Variants in CCDC148 observed in about 807,000 individuals in gnomAD.
The protein encoded by CCDC148 is coiled-coil domain-containing protein 148.
CCDC148 carries 89 observed loss-of-function variants against 85.7 expected under a neutral mutation model. The observed-to-expected ratio is 1.04, with a 90% CI of 0.87 to 1.24. The LOEUF (loss-of-function observed/expected upper bound fraction) is 1.24. CCDC148 is among the 50% of genes most tolerant of loss of function. The pLI is 0.00. For synonymous variants in CCDC148, 230 were observed against 213.9 expected (o/e 1.08, Z -0.66); for missense variants, 692 against 671.7 (o/e 1.03, Z -0.33).
intron 9 of CCDC148, among the ~76,000 whole-genome samples, chr2:158,301,336 G>T (rs1006661603): frequency 2.6e-5 from 4 of 152,186 alleles, no homozygotes; most frequent in African/African-American, 9.7e-5. Context: ...TAGCTATGAA[G>T]GTAAGAGAAA....
At chr2:158,317,240 C>G (rs549844542) in intron 7 of CCDC148, among the ~76,000 whole-genome samples, 1 of 152,294 alleles carries the variant, frequency 6.6e-6, no homozygotes, top group South Asian at 2.1e-4. Flanking sequence ...TTTAGCAGTT[C>G]TCTGCAATTT....
rs753445636 is a variant in CCDC148, at chr2:158,212,238, C to A, written c.1370+8357G>T. On this transcript the variant is annotated intron_variant, in intron 11 of 13. Coordinates refer to ENST00000283233, the MANE Select transcript of CCDC148 (RefSeq NM_138803.4). Reference sequence around the variant, plus strand: ...ATTTGGTTGACAGAGACTTAATGAACAAGAGCATCCCCATTAATTTTGAGA... The same window carrying A: ...ATTTGGTTGACAGAGACTTAATGAAAAAGAGCATCCCCATTAATTTTGAGA... Among the ~76,000 whole-genome samples the A allele has an allele frequency of 3.1e-4, 47 of 152,178 alleles. 1 individual carries two copies. Among genetic ancestry groups the A allele is most frequent in the Non-Finnish European group, 1.3e-4 (9 of 68,036 alleles).
intron 9 of CCDC148, among the ~76,000 whole-genome samples, chr2:158,271,480 T>A (rs988834317): frequency 6.6e-6 from 1 of 152,218 alleles, no homozygotes; most frequent in Non-Finnish European, 1.5e-5. Context: ...GTTTAGCACA[T>A]CCATGCTGTA....
chr2:158,179,181 T>TTTTTTTTA (rs1684751580), intron 11 of CCDC148, among the ~76,000 whole-genome samples, 185 bp from the exon 12 acceptor site: 1 of 138,996 alleles, frequency 7.2e-6, no homozygotes, highest in Admixed American at 7.4e-5. Flanking sequence ...TTTTTTTTTT[T>TTTTTTTTA]TTTTTTTTGA....
At chr2:158,252,793 T>C (rs996908877) in intron 9 of CCDC148, among the ~76,000 whole-genome samples, 2 of 151,836 alleles carry the variant, frequency 1.3e-5, no homozygotes, top group African/African-American at 4.8e-5. Context: ...CATTCTATGT[T>C]TCTGACCACA....
intron 1 of CCDC148, among the ~76,000 whole-genome samples, chr2:158,415,488 T>C (rs543615180): frequency 2.0e-5 from 3 of 152,312 alleles, no homozygotes; most frequent in East Asian, 1.9e-4. Flanking sequence ...CCAAATCTCA[T>C]GTCCTTCTCA....
intron 1 of CCDC148, chr2:158,420,204 C>A (rs1252726337): frequency 6.6e-6 from 1 of 152,168 alleles, no homozygotes; most frequent in Non-Finnish European, 1.5e-5. Flanking sequence ...ACCTCCCCAA[C>A]CTAGCAAGGC....
At chr2:158,367,348 T>G (rs1233016867) in intron 1 of CCDC148, among the ~76,000 whole-genome samples, 1 of 152,214 alleles carries the variant, frequency 6.6e-6, no homozygotes, top group Non-Finnish European at 1.5e-5. Context: ...AGCTTAGCTG[T>G]CCAAGTTTGC....
At chr2:158,216,386 C>CTTTTTTTTTTTT (rs397697591) in intron 11 of CCDC148, among the ~76,000 whole-genome samples, 1 of 59,434 alleles carries the variant, frequency 1.7e-5, no homozygotes, top group Admixed American at 2.8e-4. Context: ...AAGCACAATA[C>CTTTTTTTTTTTT]TTTTTTTTTT....
At chr2:158,251,048 G>T in intron 9 of CCDC148, 136 bp from the exon 10 acceptor site, 2 of 720,802 alleles carry the variant, frequency 2.8e-6, no homozygotes, top group Non-Finnish European at 4.3e-6. Flanking sequence ...ATGTGCACAT[G>T]ACTGTGTGAT....
intron 1 of CCDC148, among the ~76,000 whole-genome samples, chr2:158,390,663 AG>A (rs1392386752): frequency 6.6e-6 from 1 of 152,204 alleles, no homozygotes; most frequent in Non-Finnish European, 1.5e-5. Context: ...CTGAAAAAAC[AG>A]GTCTGCAGTG....
At chr2:158,289,224 C>A (rs1455823317) in intron 9 of CCDC148, among the ~76,000 whole-genome samples, 1 of 152,020 alleles carries the variant, frequency 6.6e-6, no homozygotes, top group Non-Finnish European at 1.5e-5. Context: ...ATTGATAAAT[C>A]AATTACATAA....
At chr2:158,282,576 G>A (rs1426325127) in intron 9 of CCDC148, among the ~76,000 whole-genome samples, 3 of 152,126 alleles carry the variant, frequency 2.0e-5, no homozygotes, top group East Asian at 1.9e-4. Context: ...TACAAGGGAC[G>A]TGAAGGACCT....
At chr2:158,217,797 G>A (rs771751139) in intron 11 of CCDC148, among the ~76,000 whole-genome samples, 1 of 152,296 alleles carries the variant, frequency 6.6e-6, no homozygotes, top group East Asian at 1.9e-4. Flanking sequence ...ATATGTGTGT[G>A]TGTTCTGAAC....
rs147530599 is a variant in CCDC148, at chr2:158,385,512, G to C, written c.26-26942C>G. On this transcript the variant is annotated intron_variant, in intron 1 of 13. Coordinates refer to ENST00000283233, the MANE Select transcript of CCDC148 (RefSeq NM_138803.4). ...CATCTTTAAAAAAGCAATGCCAAGG[G>C]CATAGCAAAATAACATTCCAATTAA... Among the ~76,000 whole-genome samples, 78 of 152,154 alleles carry C rather than the reference G, an allele frequency of 5.1e-4. 1 individual carries two copies. In the East Asian group the frequency reaches 9.1e-3, roughly 18 times the overall value.
intron 9 of CCDC148, among the ~76,000 whole-genome samples, chr2:158,307,748 C>T (rs1691764777): frequency 1.3e-5 from 2 of 152,220 alleles, no homozygotes; most frequent in South Asian, 2.1e-4. Context: ...AAAGATGAAA[C>T]AGATATGATG....
intron 1 of CCDC148, chr2:158,393,248 A>G (rs1304722730): frequency 6.6e-6 from 1 of 152,084 alleles, no homozygotes; most frequent in Non-Finnish European, 1.5e-5. Context: ...TAGATTTCAA[A>G]TCAATAAAAA....
rs184056425 is a variant in CCDC148, at chr2:158,223,862, G to C, written c.1252-3149C>G. On this transcript the variant is annotated intron_variant, in intron 10 of 13. Coordinates refer to ENST00000283233, the MANE Select transcript of CCDC148 (RefSeq NM_138803.4). ...GACCAAAGGTAGATAAAACCACAAA[G>C]ATGGGGAAAAAACAGAGCAGAAAAA... Among the ~76,000 whole-genome samples the C allele has an allele frequency of 9.9e-5, 15 of 152,266 alleles. 1 individual carries two copies. Among genetic ancestry groups the C allele is most frequent in the Admixed American group, 6.5e-4 (10 of 15,292 alleles).
chr2:158,191,237 T>C (rs1285131616), intron 11 of CCDC148, among the ~76,000 whole-genome samples: 1 of 152,082 alleles, frequency 6.6e-6, no homozygotes, highest in Non-Finnish European at 1.5e-5. Flanking sequence ...ACATGGCTTC[T>C]CTAATGCTGT....
Sources: allele counts gnomAD v4.1 joint callset (sites outside exome capture counted in the v4.1 genomes callset), GRCh38; gene constraint gnomAD v4.1.1; transcripts MANE v1.5; gene names NCBI Gene and HGNC (gene_info 2026-07-23, HGNC 2026-07-21).